The following CSNK2A2IP variants were observed in gnomAD, a reference collection of about 807,000 sequenced individuals.
CSNK2A2IP encodes the protein casein kinase II subunit alpha'-interacting protein.
chr3:88,357,031 T>A, the CSNK2A2IP span, among the ~76,000 whole-genome samples: 1 of 152,156 alleles, frequency 6.6e-6, no homozygotes, highest in Admixed American at 6.5e-5. Context: ...AGTTGAATAG[T>A]TTGCAAATAT....
At chr3:88,446,106 CT>C in the CSNK2A2IP span, among the ~76,000 whole-genome samples, 11 of 81,368 alleles carry the variant, frequency 1.4e-4, no homozygotes, top group Non-Finnish European at 5.1e-5. Context: ...TTCTTTTTTT[CT>C]TTCTTTCTTT....
chr3:88,351,221 TAAC>T, the CSNK2A2IP span, among the ~76,000 whole-genome samples: 49 of 152,220 alleles, frequency 3.2e-4, no homozygotes, highest in African/African-American at 1.1e-3. Context: ...TATCCTTTAA[TAAC>T]AAATTCAGAG....
chr3:88,426,886 G>C, the CSNK2A2IP span, among the ~76,000 whole-genome samples: 32 of 127,568 alleles, frequency 2.5e-4, no homozygotes, highest in African/African-American at 8.8e-4. Flanking sequence ...GTACCACGGG[G>C]GATGGGGGGG....
chr3:88,350,615 A>T, the CSNK2A2IP span, among the ~76,000 whole-genome samples: 1 of 147,976 alleles, frequency 6.8e-6, no homozygotes, highest in Non-Finnish European at 1.5e-5. Context: ...AAAAAAAAAC[A>T]GCTTCACAGA....
chr3:88,404,924 A>G, the CSNK2A2IP span, among the ~76,000 whole-genome samples: 1 of 151,478 alleles, frequency 6.6e-6, no homozygotes, highest in South Asian at 2.1e-4. Context: ...TTTAATAAGA[A>G]CCCCCTGTTC....
At chr3:88,359,990 G>A in the CSNK2A2IP span, among the ~76,000 whole-genome samples, 1 of 152,076 alleles carries the variant, frequency 6.6e-6, no homozygotes, top group East Asian at 1.9e-4. Context: ...TTGTTTAGGG[G>A]TGAATCTCTC....
the CSNK2A2IP span, among the ~76,000 whole-genome samples, chr3:88,390,083 A>T: frequency 1.3e-5 from 2 of 152,102 alleles, no homozygotes; most frequent in African/African-American, 2.4e-5. Context: ...GAGCCCCTTC[A>T]TCTATGCCAT....
At chr3:88,394,931 T>A in the CSNK2A2IP span, among the ~76,000 whole-genome samples, 1 of 152,130 alleles carries the variant, frequency 6.6e-6, no homozygotes, top group Non-Finnish European at 1.5e-5. Flanking sequence ...TGCAATTGAG[T>A]ACTGGGCTTA....
chr3:88,370,636 T>C, the CSNK2A2IP span, among the ~76,000 whole-genome samples: 1 of 149,248 alleles, frequency 6.7e-6, no homozygotes, highest in Admixed American at 6.7e-5. Flanking sequence ...TTCTTTCTTT[T>C]CTCTCTCTCT....
the CSNK2A2IP span, among the ~76,000 whole-genome samples, chr3:88,366,563 T>A: frequency 6.6e-6 from 1 of 152,164 alleles, no homozygotes; most frequent in Non-Finnish European, 1.5e-5. Flanking sequence ...CTACCATGTT[T>A]ATATTTTAGC....
chr3:88,459,226 T>G, the CSNK2A2IP span, among the ~76,000 whole-genome samples: 1 of 151,994 alleles, frequency 6.6e-6, no homozygotes, highest in South Asian at 2.1e-4. Context: ...TGCTAGGCAT[T>G]TATCTCTTCT....
the CSNK2A2IP span, among the ~76,000 whole-genome samples, chr3:88,451,823 G>A: frequency 2.6e-4 from 39 of 149,802 alleles, no homozygotes; most frequent in East Asian, 7.7e-3. Context: ...GCTTCTTGTG[G>A]TCTGTTTAGT....
chr3:88,364,089 A>C, the CSNK2A2IP span, among the ~76,000 whole-genome samples: 1 of 152,048 alleles, frequency 6.6e-6, no homozygotes, highest in Admixed American at 6.6e-5. Context: ...CTGTCTCTTC[A>C]ACTCAGGGAT....
At chr3:88,390,618 C>A in the CSNK2A2IP span, among the ~76,000 whole-genome samples, 1 of 152,130 alleles carries the variant, frequency 6.6e-6, no homozygotes, top group Non-Finnish European at 1.5e-5. Context: ...CACTCTAATT[C>A]TCTGATTAAA....
chr3:88,450,767 G>GTCATTTT, the CSNK2A2IP span, among the ~76,000 whole-genome samples: 180 of 152,162 alleles, frequency 1.2e-3, 1 homozygote, highest in South Asian at 5.2e-3. Flanking sequence ...CAATGAGTAG[G>GTCATTTT]TCATTTTCAC....
the CSNK2A2IP span, among the ~76,000 whole-genome samples, chr3:88,388,831 G>A: frequency 6.6e-5 from 10 of 151,990 alleles, no homozygotes. Flanking sequence ...TTCCATGGAA[G>A]TTATAGCTAC....
chr3:88,392,779 G>A, the CSNK2A2IP span, among the ~76,000 whole-genome samples: 1 of 152,136 alleles, frequency 6.6e-6, no homozygotes, highest in Non-Finnish European at 1.5e-5. Context: ...AAGTTTGGGT[G>A]GAGAGAAGAG....
the CSNK2A2IP span, among the ~76,000 whole-genome samples, chr3:88,379,025 T>C: frequency 6.6e-6 from 1 of 152,064 alleles, no homozygotes; most frequent in African/African-American, 2.4e-5. Flanking sequence ...ATGCTTTCAT[T>C]TCATTAATTC....
chr3:88,462,104 G>T, the CSNK2A2IP span, among the ~76,000 whole-genome samples: 2 of 111,992 alleles, frequency 1.8e-5, no homozygotes, highest in Non-Finnish European at 3.8e-5. Flanking sequence ...TCATGGAGAT[G>T]AGTTTTTTTC....
Sources: allele counts gnomAD v4.1 joint callset (sites outside exome capture counted in the v4.1 genomes callset), GRCh38; gene constraint gnomAD v4.1.1; transcripts MANE v1.5; gene names NCBI Gene and HGNC (gene_info 2026-07-23, HGNC 2026-07-21).